Variants in PBX1 observed in about 807,000 individuals in gnomAD.
PBX1 encodes the protein PBX homeobox 1.
In PBX1, 6 loss-of-function variants were observed where a neutral mutation model predicts 53.4. The ratio of observed to expected loss-of-function variants is 0.11; its 90% CI spans 0.06 to 0.22. PBX1 has a LOEUF of 0.22. Ranked by LOEUF, PBX1 falls within the 10% of genes least tolerant of loss-of-function variation. The pLI is 1.00. For synonymous variants in PBX1, 204 were observed against 212.3 expected (o/e 0.96, Z 0.34); for missense variants, 251 against 551.4 (o/e 0.46, Z 5.46).
chr1:164,606,577 A>G lies in PBX1; in HGVS notation c.265+43266A>G, dbSNP rs972546292. On this transcript the variant is annotated intron_variant, in intron 2 of 8. Transcript: ENST00000420696. ...AACAACAGAGTGAGACTCTGTCTCA[A>G]TAAAAAGCATTCTGTATAAATCTAT... 4.6e-5 allele frequency among the ~76,000 whole-genome samples: 7 copies of G among 152,340 alleles called. No individual in the cohort carries two copies. In the East Asian group the frequency reaches 7.7e-4, roughly 17 times the overall value.
chr1:164,560,500 T>A (rs1652960538), intron 1 of PBX1: 1 of 274,180 alleles, frequency 3.6e-6, no homozygotes. Context: ...CGAGTTTGAT[T>A]TTCTTTCTTG....
At chr1:164,623,866 A>G (rs890146502) in intron 2 of PBX1, among the ~76,000 whole-genome samples, 8 of 152,196 alleles carry the variant, frequency 5.3e-5, no homozygotes, top group Admixed American at 2.6e-4. Flanking sequence ...ATATATAACT[A>G]TATGCAATTT....
At chr1:164,837,597 G>A (rs924384511) in intron 8 of PBX1, among the ~76,000 whole-genome samples, 3 of 152,168 alleles carry the variant, frequency 2.0e-5, no homozygotes, top group Admixed American at 6.5e-5. Flanking sequence ...GTGCAGCTGT[G>A]CAGGCAGAGG....
chr1:164,618,106 C>T (rs1478079790), intron 2 of PBX1, among the ~76,000 whole-genome samples: 1 of 152,178 alleles, frequency 6.6e-6, no homozygotes, highest in Non-Finnish European at 1.5e-5. Flanking sequence ...TGCCTGGTGT[C>T]TGTGAGCATT....
intron 2 of PBX1, among the ~76,000 whole-genome samples, chr1:164,708,523 G>A (rs1663577303): frequency 6.6e-6 from 1 of 152,150 alleles, no homozygotes. Flanking sequence ...GCACTCAAGA[G>A]AGTGTTTTTC....
intron 2 of PBX1, among the ~76,000 whole-genome samples, chr1:164,751,773 G>T (rs187321763): frequency 6.6e-6 from 1 of 151,348 alleles, no homozygotes; most frequent in Non-Finnish European, 1.5e-5. Flanking sequence ...GTAGAGGCAG[G>T]GTTTCACCAT....
chr1:164,803,241 G>A (rs1161781886), intron 4 of PBX1, among the ~76,000 whole-genome samples: 1 of 152,110 alleles, frequency 6.6e-6, no homozygotes, highest in Non-Finnish European at 1.5e-5. Flanking sequence ...GAGCTCATAG[G>A]ACAAATACTG....
intron 8 of PBX1, among the ~76,000 whole-genome samples, chr1:164,843,155 A>G (rs1359529811): frequency 6.6e-6 from 1 of 152,194 alleles, no homozygotes; most frequent in Non-Finnish European, 1.5e-5. Context: ...GATTTACAGG[A>G]AACCCAGTTA....
intron 2 of PBX1, among the ~76,000 whole-genome samples, chr1:164,697,043 A>G (rs1662836928): frequency 6.6e-6 from 1 of 152,242 alleles, no homozygotes; most frequent in Admixed American, 6.5e-5. Context: ...AGTGGGGATA[A>G]TATCACCTAC....
At chr1:164,603,929 A>ATT (rs71583414) in intron 2 of PBX1, among the ~76,000 whole-genome samples, 1,097 of 75,632 alleles carry the variant, frequency 0.015, 282 homozygotes, top group African/African-American at 0.06. Flanking sequence ...ATGTCATTTC[A>ATT]TTTTTTTTTT....
chr1:164,624,453 T>C (rs1479813278), intron 2 of PBX1, among the ~76,000 whole-genome samples: 1 of 152,216 alleles, frequency 6.6e-6, no homozygotes, highest in Non-Finnish European at 1.5e-5. Context: ...AATGAAAGAA[T>C]TGGTTAGAGG....
chr1:164,609,903 A>G (rs1040296671), intron 2 of PBX1, among the ~76,000 whole-genome samples: 1 of 152,182 alleles, frequency 6.6e-6, no homozygotes, highest in Non-Finnish European at 1.5e-5. Flanking sequence ...TGGAAAACTC[A>G]TGGGCATCTT....
chr1:164,786,786 G>A (rs1668221223), intron 2 of PBX1, among the ~76,000 whole-genome samples: 1 of 151,500 alleles, frequency 6.6e-6, no homozygotes, highest in Admixed American at 6.6e-5. Context: ...TTGTGAAAAG[G>A]ATTCAGAACT....
intron 6 of PBX1, chr1:164,812,692 T>C (rs928959654): frequency 1.3e-5 from 2 of 152,210 alleles, no homozygotes; most frequent in African/African-American, 4.8e-5. Context: ...TGTTGTTCTT[T>C]ATTGTTTTTT....
At chr1:164,792,838 A>G in intron 3 of PBX1, 100 bp downstream of exon 3, 2 of 891,344 alleles carry the variant, frequency 2.2e-6, no homozygotes, top group Non-Finnish European at 3.3e-6. Context: ...CACCTTTCCC[A>G]GGTGCTGGCA....
intron 2 of PBX1, among the ~76,000 whole-genome samples, chr1:164,657,595 T>C (rs1461733630): frequency 6.6e-6 from 1 of 152,194 alleles, no homozygotes; most frequent in Non-Finnish European, 1.5e-5. Context: ...AACAACTTAG[T>C]TGATAGTAAA....
In PBX1 at chr1:164,792,594, G is replaced by A. The variant is rs1318898046; in HGVS notation, c.366G>A (p.Lys122=). ...CGGAAGGCGTGGCGGGGCCTGAGAA[G>A]GGCGGAGGGTCGGCGGCAGCGGCGG... ...LLAEGVAGPE[K]GGGSAAAAAA... The change falls in exon 3 of 9, where the codon AAG becomes AAA. Residue 122 remains lysine (K), a synonymous_variant. Coordinates refer to ENST00000420696, the MANE Select transcript of PBX1 (RefSeq NM_002585.4). 1 of 1,614,020 alleles carries A rather than the reference G, an allele frequency of 6.2e-7. No homozygotes were observed. The highest frequency in any genetic ancestry group is 2.2e-5 in the East Asian group (1 of 44,876).
intron 2 of PBX1, among the ~76,000 whole-genome samples, chr1:164,618,124 C>A (rs1205289369): frequency 6.6e-6 from 1 of 152,140 alleles, no homozygotes; most frequent in Non-Finnish European, 1.5e-5. Context: ...ATTTCTCTGG[C>A]CTGCCATTGC....
At chr1:164,802,870 A>G (rs954756632) in intron 4 of PBX1, among the ~76,000 whole-genome samples, 1 of 147,058 alleles carries the variant, frequency 6.8e-6, no homozygotes, top group Non-Finnish European at 1.5e-5. Flanking sequence ...TATAAATAAC[A>G]TTTTTTTTTT....
Sources: allele counts gnomAD v4.1 joint callset (sites outside exome capture counted in the v4.1 genomes callset), GRCh38; gene constraint gnomAD v4.1.1; transcripts MANE v1.5; gene names NCBI Gene and HGNC (gene_info 2026-07-23, HGNC 2026-07-21).